ZFP1: variants seen among roughly 807,000 people sequenced by gnomAD.
ZFP1 encodes ZFP1 zinc finger protein.
ZFP1 carries 32 observed loss-of-function variants against 38.5 expected under a neutral mutation model. The observed-to-expected ratio is 0.83, with a 90% CI of 0.63 to 1.12. The LOEUF is 1.12. ZFP1 is among the 50% of genes most tolerant of loss of function. ZFP1 has a pLI of 0.00. For missense variants in ZFP1, 616 were observed against 480.8 expected (o/e 1.28, Z -2.63); for synonymous variants, 245 against 168.8 (o/e 1.45, Z -3.50).
chr16:75,150,708 A>G (rs1379542385), intron 1 of ZFP1, among the ~76,000 whole-genome samples: 1 of 151,988 alleles, frequency 6.6e-6, no homozygotes, highest in Admixed American at 6.6e-5. Flanking sequence ...TACAGGCGTG[A>G]GCCACTGCAC....
chr16:75,149,933 C>T (rs982330672), intron 1 of ZFP1, among the ~76,000 whole-genome samples: 4 of 151,936 alleles, frequency 2.6e-5, no homozygotes, highest in Non-Finnish European at 2.9e-5. Flanking sequence ...TACAGGCACC[C>T]GCCACTACAC....
At position 75,168,772 on chromosome 16, in the gene ZFP1, A is replaced by G. The variant is rs1438183093; in HGVS notation, c.143-481A>G. On this transcript the variant is annotated intron_variant, in intron 3 of 3. Coordinates refer to ENST00000570010, the MANE Select transcript of ZFP1 (RefSeq NM_153688.4). The stretch of plus-strand genomic sequence containing the variant: ...AAAAAAGGAGAAAAAGCTTAGAACT[A>G]TGCAGACTGGTGCTGGTTCTACCAT... Among the ~76,000 whole-genome samples the G allele has an allele frequency of 1.3e-5, 2 of 152,240 alleles. 1 individual carries two copies. The highest frequency in any genetic ancestry group is 2.9e-5 in the Non-Finnish European group (2 of 68,054).
At chr16:75,120,869 C>T in the ZFP1 span, among the ~76,000 whole-genome samples, 1 of 152,080 alleles carries the variant, frequency 6.6e-6, no homozygotes, top group Non-Finnish European at 1.5e-5. Context: ...TCATGATCCG[C>T]CCGCCTCAGC....
chr16:75,170,352 A>G lies in ZFP1; in HGVS notation c.*18A>G, dbSNP rs777598128. On this transcript the variant is annotated 3_prime_UTR_variant, in exon 4 of 4. Coordinates refer to ENST00000570010, the MANE Select transcript of ZFP1 (RefSeq NM_153688.4). ...AACCCTGAAACTCCAGCCAGGTCTT[A>G]CTGTGGAAAACTCCTGCCAGAACTC... The G allele has an allele frequency of 3.2e-6, 5 of 1,544,798 alleles. No individual in the cohort carries two copies. In the East Asian group the frequency reaches 6.8e-5, roughly 21 times the overall value.
At position 75,170,302 on chromosome 16, in the gene ZFP1, C is replaced by T. The variant is rs1405230376; in HGVS notation, c.1192C>T (p.His398Tyr). 32 of 1,599,754 alleles carry T rather than the reference C, an allele frequency of 2.0e-5. No homozygotes were observed. The highest frequency in any genetic ancestry group is 2.7e-5 in the Non-Finnish European group (32 of 1,172,048). Residue 398 changes from histidine to tyrosine, a missense_variant, in exon 4 of 4, where the codon CAT (histidine) becomes TAT (tyrosine). By Grantham distance (83) the His-to-Tyr change is moderately conservative (BLOSUM62 2). Coordinates refer to ENST00000570010, the MANE Select transcript of ZFP1 (RefSeq NM_153688.4). ...TAGCAGGAAGTCCCGACTCAGTGTCCATCAGAGAGTTCACATCGGGGAGAA... is the reference window on the plus strand; with the variant it reads ...TAGCAGGAAGTCCCGACTCAGTGTCTATCAGAGAGTTCACATCGGGGAGAA... ...AFSRKSRLSV[H>Y]QRVHIGEKP
chr16:75,148,147 G>A (rs1444777170), upstream of ZFP1, among the ~76,000 whole-genome samples: 1 of 152,190 alleles, frequency 6.6e-6, no homozygotes, highest in East Asian at 1.9e-4. Flanking sequence ...CGAACTTAAT[G>A]TTATACGCAG....
rs796957816 is a variant in ZFP1, at chr16:75,169,924, G to A, written c.814G>A (p.Glu272Lys). The A allele has an allele frequency of 6.2e-7, 1 of 1,614,054 alleles. No homozygotes were observed. Among genetic ancestry groups the A allele is most frequent in the Non-Finnish European group, 8.5e-7 (1 of 1,180,042 alleles). Residue 272 changes from glutamate to lysine, a missense_variant, in exon 4 of 4, where the codon GAA becomes AAA. Physicochemically the swap from Glu to Lys is moderately conservative, Grantham distance 56. Coordinates refer to ENST00000570010, the MANE Select transcript of ZFP1 (RefSeq NM_153688.4). ...HMEKKPYECS[E>K]CGKTFAQKFE... ...GGAGAAGAAGCCCTATGAGTGCAGTGAATGTGGAAAGACATTTGCCCAAAA... is the reference window on the plus strand; with the variant it reads ...GGAGAAGAAGCCCTATGAGTGCAGTAAATGTGGAAAGACATTTGCCCAAAA...
chr16:75,151,740 G>C (rs2037214028), intron 1 of ZFP1, among the ~76,000 whole-genome samples: 1 of 150,186 alleles, frequency 6.7e-6, no homozygotes, highest in South Asian at 2.1e-4. Context: ...GCAAGAAAAA[G>C]TATCTATTGT....
At chr16:75,166,573 C>G (rs1567538786) in intron 2 of ZFP1, 197 bp from the exon 3 acceptor site, 2 of 984,956 alleles carry the variant, frequency 2.0e-6, no homozygotes, top group Non-Finnish European at 2.4e-6. Flanking sequence ...TATGACAGTG[C>G]CAGAGATATA....
chr16:75,154,693 C>T (rs1045267225), intron 2 of ZFP1, among the ~76,000 whole-genome samples: 4 of 152,016 alleles, frequency 2.6e-5, no homozygotes, highest in African/African-American at 7.2e-5. Flanking sequence ...GCTCCAAAGC[C>T]GAGAGAGGGA....
chr16:75,162,519 T>A (rs74829125), intron 2 of ZFP1, among the ~76,000 whole-genome samples: 13,608 of 152,210 alleles, frequency 0.089, 1,092 homozygotes, highest in African/African-American at 0.2. Context: ...AGATTTTTTT[T>A]AAATATAATT....
At position 75,172,025 on chromosome 16, in the gene ZFP1, C is replaced by CA. The variant is rs1384486932; in HGVS notation, c.*1698dup. On this transcript the variant is annotated 3_prime_UTR_variant, in exon 4 of 4. Coordinates refer to ENST00000570010, the MANE Select transcript of ZFP1 (RefSeq NM_153688.4). ...GTATATTGTATTTTTTGGTAAGGAC[C>CA]AAAAAAACAAACAAAAAAAAGACCA... 6 of 150,918 alleles carry CA rather than the reference C, an allele frequency of 4.0e-5. No homozygotes were observed. The highest frequency in any genetic ancestry group is 3.9e-4 in the East Asian group (2 of 5,124). 9.3% of individuals were successfully genotyped at this position (150,918 alleles called of 1,614,324 possible).
chr16:75,144,444 T>C (rs118036760), upstream of ZFP1, among the ~76,000 whole-genome samples: 314 of 152,350 alleles, frequency 2.1e-3, 3 homozygotes, highest in East Asian at 0.028. Flanking sequence ...GTTTACCTAC[T>C]AAAAGATTTT....
chr16:75,129,230 C>G, the ZFP1 span, among the ~76,000 whole-genome samples: 2 of 152,110 alleles, frequency 1.3e-5, no homozygotes, highest in African/African-American at 4.8e-5. Context: ...GACTTCACAA[C>G]CTTCTAAAAA....
Position 75,171,857 on chromosome 16 carries a change from A to G in ZFP1, c.*1523A>G, listed in dbSNP as rs1030801099. On this transcript the variant is annotated 3_prime_UTR_variant, in exon 4 of 4. Transcript: ENST00000570010. ...AAACGTTATTTTCATAGCTGCTTTT[A>G]GAAATGTAAATTGTAACAGCCTCCT... The G allele has an allele frequency of 1.3e-5, 2 of 152,242 alleles. No individual in the cohort carries two copies. Among genetic ancestry groups the G allele is most frequent in the Non-Finnish European group, 1.5e-5 (1 of 68,042 alleles). The allele number at this position is 152,242 out of a possible 1,614,324, so 9.4% of individuals were successfully genotyped here.
rs1179888787 is a variant in ZFP1, at chr16:75,171,216, GTT to G, written c.*886_*887del. On this transcript the variant is annotated 3_prime_UTR_variant, in exon 4 of 4. Transcript: ENST00000570010. ...TGTGTAACACAGACAGAAACCACCT[GTT>G]TTTGTCTTTCCTTGTTTCCCTTAAT... is the stretch of plus-strand genomic sequence containing the variant. 6.6e-6 allele frequency: 1 copy of G among 152,126 alleles called. No individual in the cohort carries two copies. Among genetic ancestry groups the G allele is most frequent in the Admixed American group, 6.5e-5 (1 of 15,268 alleles). The allele number at this position is 152,126 out of a possible 1,614,324, so 9.4% of individuals were successfully genotyped here.
chr16:75,146,519 T>C (rs1038314458), upstream of ZFP1, among the ~76,000 whole-genome samples: 1 of 151,938 alleles, frequency 6.6e-6, no homozygotes. Flanking sequence ...TCACAAAACC[T>C]GAACACAGAT....
the ZFP1 span, among the ~76,000 whole-genome samples, chr16:75,129,511 G>A: frequency 7.2e-4 from 110 of 152,260 alleles, 1 homozygote; most frequent in African/African-American, 2.4e-3. Context: ...AGATAAATGC[G>A]TATCCTTTTG....
intron 2 of ZFP1, among the ~76,000 whole-genome samples, chr16:75,155,044 C>A (rs1208694873): frequency 2.0e-5 from 3 of 152,126 alleles, no homozygotes; most frequent in Admixed American, 1.3e-4. Flanking sequence ...AGTGATCCAC[C>A]CACCTTGGCC....
Sources: allele counts gnomAD v4.1 joint callset (sites outside exome capture counted in the v4.1 genomes callset), GRCh38; gene constraint gnomAD v4.1.1; transcripts MANE v1.5; gene names NCBI Gene and HGNC (gene_info 2026-07-23, HGNC 2026-07-21).